Variants in SH3D21 observed in about 807,000 individuals in gnomAD.
The protein encoded by SH3D21 is SH3 domain-containing protein 21.
In SH3D21, 83 loss-of-function variants were observed where a neutral mutation model predicts 82.1. The observed-to-expected ratio is 1.01, with a 90% confidence interval of 0.85 to 1.21. The LOEUF (loss-of-function observed/expected upper bound fraction) is 1.21, where lower values mean the gene tolerates loss of function less well. SH3D21 is among the 50% of genes most tolerant of loss of function. SH3D21 has a pLI of 0.00. For missense variants in SH3D21, 980 were observed against 962.1 expected (o/e 1.02, Z -0.25); for synonymous variants, 383 against 387.8 (o/e 0.99, Z 0.15).
intron 10 of SH3D21, among the ~76,000 whole-genome samples, chr1:36,315,395 G>C (rs1194516973): frequency 1.3e-5 from 2 of 152,024 alleles, no homozygotes; most frequent in Non-Finnish European, 2.9e-5. Flanking sequence ...TGTCTCCCAG[G>C]CTGGAGTGTA....
rs1214925319 is a variant in SH3D21 at position 36,307,476 on chromosome 1, G to C, written c.346-41G>C. 1 of 1,521,998 alleles carries C rather than the reference G, an allele frequency of 6.6e-7. No homozygotes were observed. The highest frequency in any genetic ancestry group is 1.4e-5 in the African/African-American group (1 of 71,188). The allele number at this position is 1,521,998 out of a possible 1,614,324, so 94.3% of individuals were successfully genotyped here. ...GTGGCAGATTATCCTAGGGACTCTT[G>C]GGGCAGAACCAGACGCCTCTGCGTC... On this transcript the variant is annotated intron_variant, in intron 4 of 15. Transcript: ENST00000453908. This position sits in a 1 kb window ranked among gnomAD's most constrained non-coding sequence, Gnocchi z 5.4.
chr1:36,322,633 C>G (rs929163411), downstream of SH3D21: 37 of 1,545,106 alleles, frequency 2.4e-5, no homozygotes, highest in Non-Finnish European at 3.1e-5. Flanking sequence ...GGGCGGGGCG[C>G]CCACGAGATG....
At chr1:36,327,635 G>A (rs1646558478), downstream of SH3D21, 1 of 1,187,196 alleles carries the variant, frequency 8.4e-7, no homozygotes, top group Admixed American at 3.6e-5. Context: ...CTCAGCCCTA[G>A]TGGAGCAGGA....
chr1:36,315,547 C>G (rs1426446158), intron 10 of SH3D21, among the ~76,000 whole-genome samples: 1 of 152,038 alleles, frequency 6.6e-6, no homozygotes, highest in African/African-American at 2.4e-5. Context: ...GGGGGTTTCA[C>G]CATGTTGGCC....
chr1:36,329,916 C>T (rs1646576749), downstream of SH3D21, among the ~76,000 whole-genome samples: 1 of 152,074 alleles, frequency 6.6e-6, no homozygotes, highest in Non-Finnish European at 1.5e-5. Flanking sequence ...ACAATACAGT[C>T]CTTTGTGACC....
chr1:36,319,077 T>C lies in SH3D21; in HGVS notation c.776T>C (p.Ile259Thr). 1.3e-6 allele frequency: 2 copies of C among 1,545,384 alleles called. No individual in the cohort carries two copies. The highest frequency in any genetic ancestry group is 1.8e-6 in the Non-Finnish European group (2 of 1,141,382). The change falls in exon 11 of 16, where the codon ATT becomes ACT. Residue 259 changes from isoleucine (I) to threonine (T), a missense_variant. By Grantham distance (89) the Ile-to-Thr change is moderately conservative. Transcript: ENST00000453908. ...TCCACTCCTCTCTTCCCAGCTCCTA[T>C]TAAGGAACCAAAAAAGTTGATGCCC... Reference protein sequence around the residue: ...RKVVSRESAPIKEPKKLMPKT... With the variant: ...RKVVSRESAPTKEPKKLMPKT...
chr1:36,329,895 G>A (rs893673746), downstream of SH3D21, among the ~76,000 whole-genome samples: 2 of 151,834 alleles, frequency 1.3e-5, no homozygotes, highest in African/African-American at 4.8e-5. Context: ...CCCTCCTTTC[G>A]CATAGGTCTT....
rs762944681 is a variant in SH3D21, at chr1:36,320,435, AG to A, written c.1774del (p.Ala592HisfsTer21). The A allele has an allele frequency of 1.9e-5, 31 of 1,612,756 alleles. No homozygotes were observed. The highest frequency in any genetic ancestry group is 3.3e-4 in the Middle Eastern group (2 of 6,076). ...GAAGAGGCTACAACCCTTCCAGAGG[AG>A]GCACCTTCCAATGACGAGAGGACCC... The part of the protein sequence containing the change: ...PHEEATTLPE[E>X]APSNDERTPE... On this transcript the variant is annotated frameshift_variant, in exon 14 of 16. Coordinates refer to ENST00000453908, the MANE Select transcript of SH3D21 (RefSeq NM_001162530.2). LOFTEE classifies it high-confidence loss of function.
At chr1:36,323,161 G>C (rs1646497271), downstream of SH3D21, 4 of 1,101,174 alleles carry the variant, frequency 3.6e-6, no homozygotes, top group African/African-American at 4.9e-5. Context: ...CGCGGGCCCA[G>C]GTTCCACCCT....
At chr1:36,322,888 G>A, downstream of SH3D21, 2 of 1,559,508 alleles carry the variant, frequency 1.3e-6, no homozygotes, top group South Asian at 1.1e-5. Context: ...CGGGGCGGAG[G>A]GGACGGACAA....
chr1:36,307,732 GA>G lies in SH3D21; in HGVS notation c.437-36del. 1 of 1,548,508 alleles carries G rather than the reference GA, an allele frequency of 6.5e-7. No individual in the cohort carries two copies. On this transcript the variant is annotated intron_variant, in intron 5 of 15. Coordinates refer to ENST00000453908, the MANE Select transcript of SH3D21 (RefSeq NM_001162530.2). The surrounding 1 kb of genome is among the most constrained non-coding windows in gnomAD (Gnocchi z 5.4). ...GACCCTCTCCCATGACCTAACCTGT[GA>G]ATTAGCACCCTCCCTAACCTCACTG... is the stretch of plus-strand genomic sequence containing the variant.
chr1:36,321,397 G>A, downstream of SH3D21: 1 of 1,338,010 alleles, frequency 7.5e-7, no homozygotes, highest in Non-Finnish European at 9.7e-7. This position sits in a 1 kb window ranked among gnomAD's most constrained non-coding sequence, Gnocchi z 6.1. Flanking sequence ...GAGGGGCGGG[G>A]GAGGGTGTCT....
At chr1:36,327,844 C>G, downstream of SH3D21, 1 of 1,289,352 alleles carries the variant, frequency 7.8e-7, no homozygotes, top group African/African-American at 1.5e-5. Context: ...ATGTGGCTGT[C>G]CCCATGGTCC....
downstream of SH3D21, chr1:36,321,408 C>T: frequency 2.3e-6 from 3 of 1,309,572 alleles, no homozygotes; most frequent in Non-Finnish European, 2.9e-6. This position sits in a 1 kb window ranked among gnomAD's most constrained non-coding sequence, Gnocchi z 6.1. Flanking sequence ...GAGGGTGTCT[C>T]CTTCGGACTC....
At chr1:36,322,211 G>C (rs554590219), downstream of SH3D21, 8 of 1,393,840 alleles carry the variant, frequency 5.7e-6, no homozygotes, top group East Asian at 2.2e-4. Flanking sequence ...TGTGGGGGCC[G>C]AGGCAGTCCG....
chr1:36,323,100 A>G (rs1646496217), downstream of SH3D21: 1 of 1,552,126 alleles, frequency 6.4e-7, no homozygotes, highest in Non-Finnish European at 8.7e-7. Context: ...TCCTTCTCCC[A>G]GCCTGGAGCC....
chr1:36,310,355 T>C (rs1383374354), intron 10 of SH3D21, among the ~76,000 whole-genome samples: 2 of 152,318 alleles, frequency 1.3e-5, no homozygotes, highest in East Asian at 3.9e-4. Flanking sequence ...GGTTCATGCC[T>C]GTAATCTCAG....
downstream of SH3D21, chr1:36,327,985 A>G: frequency 4.2e-6 from 3 of 711,152 alleles, no homozygotes; most frequent in Non-Finnish European, 6.5e-6. Context: ...TCTGGCCCTC[A>G]TCCCAACTAT....
At chr1:36,315,237 C>T (rs935768127) in intron 10 of SH3D21, among the ~76,000 whole-genome samples, 4 of 151,906 alleles carry the variant, frequency 2.6e-5, no homozygotes. Flanking sequence ...GATCACGCCA[C>T]TGCACTCCAG....
Sources: gnomAD v4.1 joint callset for allele counts (sites outside exome capture counted in the v4.1 genomes callset) on GRCh38, gnomAD v4.1.1 for gene constraint, Gnocchi (gnomAD v3.1) non-coding constraint, MANE v1.5 for transcripts, NCBI Gene and HGNC (gene_info 2026-07-23, HGNC 2026-07-21) for gene names.